SLC7A14: variants seen among roughly 807,000 people sequenced by gnomAD.
SLC7A14 encodes the protein solute carrier family 7 member 14.
Under a neutral mutation model 60.2 loss-of-function variants are expected in SLC7A14, and 37 were observed. The ratio of observed to expected loss-of-function variants is 0.61; its 90% CI spans 0.47 to 0.81. SLC7A14 has a LOEUF of 0.81. Ranked by LOEUF, SLC7A14 falls within the 30% of genes least tolerant of loss-of-function variation. The pLI is 0.00. For missense variants in SLC7A14, 886 were observed against 982.7 expected, an observed-to-expected ratio of 0.90 and a Z score of 1.32; for synonymous variants, 399 against 395.8, an observed-to-expected ratio of 1.01 and a Z score of -0.10.
intron 1 of SLC7A14, among the ~76,000 whole-genome samples, chr3:170,536,278 C>T (rs1713837993): frequency 6.6e-6 from 1 of 152,028 alleles, no homozygotes; most frequent in Non-Finnish European, 1.5e-5. Context: ...GCTAAGAGAC[C>T]GTAAGAGACT....
At chr3:170,512,599 A>G (rs1334975482) in intron 2 of SLC7A14, among the ~76,000 whole-genome samples, 1 of 136,692 alleles carries the variant, frequency 7.3e-6, no homozygotes, top group African/African-American at 2.7e-5. Context: ...ACTCCCCCAC[A>G]CCTCAGAACT....
chr3:170,471,197 C>T lies in SLC7A14; in HGVS notation c.1994-3820G>A, dbSNP rs149148168. Among the ~76,000 whole-genome samples, 20 of 152,236 alleles carry T rather than the reference C, an allele frequency of 1.3e-4. No individual in the cohort carries two copies. The East Asian group carries it at 3.5e-3, about 26-fold the overall frequency. ...CACAGAAAACATAAGGGAAGGTCCA[C>T]AGCCACACAGTGAGCAGGTGGACAG... is the stretch of plus-strand genomic sequence containing the variant. On this transcript the variant is annotated intron_variant, in intron 7 of 7. Coordinates refer to ENST00000231706, the MANE Select transcript of SLC7A14 (RefSeq NM_020949.3).
chr3:170,503,496 T>A (rs1353787029), intron 2 of SLC7A14, among the ~76,000 whole-genome samples: 3 of 152,150 alleles, frequency 2.0e-5, no homozygotes, highest in Non-Finnish European at 4.4e-5. Flanking sequence ...GCTCTTTCAG[T>A]GATGTGTGAG....
Position 170,467,007 on chromosome 3 carries a change from G to A in SLC7A14, c.*48C>T, listed in dbSNP as rs776521062. On this transcript the variant is annotated 3_prime_UTR_variant, in exon 8 of 8. Coordinates refer to ENST00000231706, the MANE Select transcript of SLC7A14 (RefSeq NM_020949.3). Reference sequence around the variant, plus strand: ...TTTCACCTTCTAGCCCACAGGTTAAGTTACTGAAAATCAGTCATCACCATT... The same window carrying A: ...TTTCACCTTCTAGCCCACAGGTTAAATTACTGAAAATCAGTCATCACCATT... 2 of 1,493,614 alleles carry A rather than the reference G, an allele frequency of 1.3e-6. No homozygotes were observed. The highest frequency in any genetic ancestry group is 1.4e-5 in the African/African-American group (1 of 71,484). The allele number at this position is 1,493,614 out of a possible 1,614,324, so 92.5% of individuals were successfully genotyped here. A position where few individuals can be genotyped will look rare whatever the true frequency, so the allele number is the denominator to read the frequency against.
At chr3:170,504,357 G>A (rs531873538) in intron 2 of SLC7A14, among the ~76,000 whole-genome samples, 12 of 151,932 alleles carry the variant, frequency 7.9e-5, no homozygotes, top group Non-Finnish European at 1.5e-4. Context: ...GTTTCACTCT[G>A]TCGCCCAGGC....
chr3:170,562,761 C>T (rs1441051508), intron 1 of SLC7A14, among the ~76,000 whole-genome samples: 1 of 151,884 alleles, frequency 6.6e-6, no homozygotes, highest in Non-Finnish European at 1.5e-5. Context: ...ATTATTATTC[C>T]ATTTCTTTTT....
intron 2 of SLC7A14, among the ~76,000 whole-genome samples, chr3:170,508,852 G>A (rs561105534): frequency 2.0e-5 from 3 of 152,298 alleles, no homozygotes; most frequent in Non-Finnish European, 4.4e-5. Context: ...GAAATGAAGT[G>A]TGAATTCTCT....
rs946653606 is a variant in SLC7A14 at position 170,475,595 on chromosome 3, A to C, written c.1993+4694T>G. Among the ~76,000 whole-genome samples the C allele has an allele frequency of 2.0e-5, 3 of 152,238 alleles. No homozygotes were observed. The East Asian group carries it at 5.8e-4, about 29-fold the overall frequency. On this transcript the variant is annotated intron_variant, in intron 7 of 7. Coordinates refer to ENST00000231706, the MANE Select transcript of SLC7A14 (RefSeq NM_020949.3). ...GTAATTAAATTGTCTGCCCTGCTTG[A>C]TAAAACTATGCTCCCCTTAGAGCAG...
chr3:170,469,252 G>A (rs890214159), intron 7 of SLC7A14, among the ~76,000 whole-genome samples: 1 of 152,090 alleles, frequency 6.6e-6, no homozygotes, highest in Non-Finnish European at 1.5e-5. Context: ...GAGAAATCTT[G>A]CTCTCTTTTG....
intron 1 of SLC7A14, among the ~76,000 whole-genome samples, chr3:170,536,475 T>C (rs1268993694): frequency 6.6e-6 from 1 of 152,234 alleles, no homozygotes; most frequent in East Asian, 1.9e-4. Flanking sequence ...TTCCAGTTAC[T>C]TGGAGTTTAA....
chr3:170,524,422 C>T (rs1317724033), intron 2 of SLC7A14, among the ~76,000 whole-genome samples: 9 of 152,148 alleles, frequency 5.9e-5, no homozygotes, highest in African/African-American at 1.9e-4. Flanking sequence ...AGGTGGCAGG[C>T]TCTGGTTTCC....
In SLC7A14 at chr3:170,461,571, C is replaced by T. The variant is rs1477189470; in HGVS notation, c.*5484G>A. ...ATGAAAGGGGCTTTTTGCTACCCAT[C>T]CCCATTCCCAGCGAGAAATACTAAG... On this transcript the variant is annotated 3_prime_UTR_variant, in exon 8 of 8. Transcript: ENST00000231706. 2.6e-5 allele frequency: 4 copies of T among 152,280 alleles called. No homozygotes were observed. The highest frequency in any genetic ancestry group is 9.6e-5 in the African/African-American group (4 of 41,474). 9.4% of individuals were successfully genotyped at this position (152,280 alleles called of 1,614,324 possible). A position where few individuals can be genotyped will look rare whatever the true frequency, so the allele number is the denominator to read the frequency against.
chr3:170,526,641 A>T lies in SLC7A14; in HGVS notation c.296T>A (p.Ile99Lys). ...VSFIIAAVAS[I>K]LSGVCYAEFG... ...TGCATGGAGACACTTACCTGATAAT[A>T]TGGATGCGACGGCTGCAATGATGAA... is the stretch of plus-strand genomic sequence containing the variant. Residue 99 changes from isoleucine to lysine, a missense_variant, in exon 2 of 8, where the codon ATA becomes AAA. Transcript: ENST00000231706. The T allele has an allele frequency of 6.2e-7, 1 of 1,614,010 alleles. No individual in the cohort carries two copies.
In SLC7A14 at chr3:170,486,294, G is replaced by A; in HGVS notation, c.834C>T (p.Ala278=). 6.2e-7 allele frequency: 1 copy of A among 1,614,218 alleles called. No homozygotes were observed. Among genetic ancestry groups the A allele is most frequent in the Non-Finnish European group, 8.5e-7 (1 of 1,180,034 alleles). Reference sequence around the variant, plus strand: ...AAGGGATGGACGTGTTGGGATTCTTGGCTTCCTCTCCAGTGGTGGCGATGA... The same window carrying A: ...AAGGGATGGACGTGTTGGGATTCTTAGCTTCCTCTCCAGTGGTGGCGATGA... ...FDIIATTGEE[A]KNPNTSIPYA... The change falls in exon 5 of 8, where the codon GCC becomes GCT. Residue 278 remains alanine, a synonymous_variant. Coordinates refer to ENST00000231706, the MANE Select transcript of SLC7A14 (RefSeq NM_020949.3).
chr3:170,526,645 A>G lies in SLC7A14; in HGVS notation c.292T>C (p.Ser98Pro), dbSNP rs1235259579. 4 of 1,614,086 alleles carry G rather than the reference A, an allele frequency of 2.5e-6. No homozygotes were observed. Reference protein sequence around the residue: ...IVSFIIAAVASILSGVCYAEF... With the variant: ...IVSFIIAAVAPILSGVCYAEF... ...TGGAGACACTTACCTGATAATATGGATGCGACGGCTGCAATGATGAAGGAC... is the reference window on the plus strand; with the variant it reads ...TGGAGACACTTACCTGATAATATGGGTGCGACGGCTGCAATGATGAAGGAC... The change falls in exon 2 of 8, where the codon TCC becomes CCC. Residue 98 changes from serine to proline, a missense_variant. By Grantham distance (74) the Ser-to-Pro change is moderately conservative. Coordinates refer to ENST00000231706, the MANE Select transcript of SLC7A14 (RefSeq NM_020949.3).
chr3:170,484,551 A>C (rs1711956145), intron 5 of SLC7A14, among the ~76,000 whole-genome samples: 1 of 152,236 alleles, frequency 6.6e-6, no homozygotes, highest in African/African-American at 2.4e-5. Flanking sequence ...ATGAAGGCCA[A>C]ATTGACATCA....
chr3:170,474,418 G>A (rs1026119979), intron 7 of SLC7A14, among the ~76,000 whole-genome samples: 1 of 152,132 alleles, frequency 6.6e-6, no homozygotes, highest in African/African-American at 2.4e-5. Flanking sequence ...ACAGCCTCAC[G>A]ATTGCATGAT....
At chr3:170,525,924 A>G (rs1299839271) in intron 2 of SLC7A14, among the ~76,000 whole-genome samples, 1 of 152,166 alleles carries the variant, frequency 6.6e-6, no homozygotes, top group Non-Finnish European at 1.5e-5. Flanking sequence ...TACAAAAATT[A>G]GCCAGGCGTT....
chr3:170,569,513 A>G (rs988484684), intron 1 of SLC7A14, among the ~76,000 whole-genome samples: 4 of 151,948 alleles, frequency 2.6e-5, no homozygotes, highest in African/African-American at 9.7e-5. Context: ...TATCAGGATG[A>G]TGCTGGCCTC....
Sources: allele counts gnomAD v4.1 joint callset (sites outside exome capture counted in the v4.1 genomes callset), GRCh38; gene constraint gnomAD v4.1.1; transcripts MANE v1.5; gene names NCBI Gene and HGNC (gene_info 2026-07-23, HGNC 2026-07-21).